The following KCNH7 variants were observed in gnomAD, a reference collection of about 807,000 sequenced individuals.
KCNH7 encodes the protein potassium voltage-gated channel subfamily H member 7, also known as voltage-gated inwardly rectifying potassium channel KCNH7.
A neutral mutation model predicts 120.8 loss-of-function variants in KCNH7; 49 were observed. The observed-to-expected ratio is 0.41, with a 90% CI of 0.32 to 0.51. The LOEUF is 0.51. Among genes scored for constraint, KCNH7 ranks in the 20% least tolerant of loss-of-function variants. The pLI is 0.38. For synonymous variants in KCNH7, 547 were observed against 516.1 expected, an observed-to-expected ratio of 1.06 and a Z score of -0.81; for missense variants, 1,097 against 1,446.6, an observed-to-expected ratio of 0.76 and a Z score of 3.92.
At chr2:162,637,086 T>C (rs1258107712) in intron 2 of KCNH7, among the ~76,000 whole-genome samples, 2 of 152,120 alleles carry the variant, frequency 1.3e-5, no homozygotes, top group Admixed American at 6.6e-5. Flanking sequence ...CAATCCCCCA[T>C]GACTTTGCCT....
intron 2 of KCNH7, among the ~76,000 whole-genome samples, chr2:162,611,708 T>G (rs1422206751): frequency 6.6e-6 from 1 of 152,146 alleles, no homozygotes; most frequent in Non-Finnish European, 1.5e-5. Context: ...ATGTTGTGAG[T>G]TAAACCTGCA....
intron 2 of KCNH7, among the ~76,000 whole-genome samples, chr2:162,687,811 A>T (rs1454183663): frequency 6.6e-6 from 1 of 152,194 alleles, no homozygotes; most frequent in African/African-American, 2.4e-5. Flanking sequence ...ATTTTGTCTA[A>T]CAAAAGTACA....
intron 2 of KCNH7, among the ~76,000 whole-genome samples, chr2:162,809,160 G>A (rs3912908): frequency 0.52 from 78,949 of 151,996 alleles, 21,679 homozygotes; most frequent in South Asian, 0.73. Flanking sequence ...AATATATACT[G>A]TGATATAGAA....
At chr2:162,557,553 A>C (rs1692901477) in intron 2 of KCNH7, among the ~76,000 whole-genome samples, 1 of 152,204 alleles carries the variant, frequency 6.6e-6, no homozygotes, top group South Asian at 2.1e-4. Context: ...TCTTTGGAAA[A>C]TGCAACTGGC....
chr2:162,475,075 T>C (rs1426652582), intron 6 of KCNH7, among the ~76,000 whole-genome samples: 1 of 152,240 alleles, frequency 6.6e-6, no homozygotes, highest in Non-Finnish European at 1.5e-5. Flanking sequence ...AGGCTTGTTG[T>C]CTTCAGACAC....
chr2:162,635,904 A>G (rs1211700674), intron 2 of KCNH7, among the ~76,000 whole-genome samples: 2 of 152,072 alleles, frequency 1.3e-5, no homozygotes, highest in Non-Finnish European at 2.9e-5. Context: ...TCTTGCTGCC[A>G]GAAAAAGCTA....
chr2:162,547,290 C>T (rs1692512732), intron 2 of KCNH7, among the ~76,000 whole-genome samples: 1 of 152,106 alleles, frequency 6.6e-6, no homozygotes, highest in African/African-American at 2.4e-5. Flanking sequence ...CTAACCATAT[C>T]AGAATCATAG....
intron 2 of KCNH7, among the ~76,000 whole-genome samples, chr2:162,623,603 C>T (rs1308465172): frequency 6.6e-6 from 1 of 152,154 alleles, no homozygotes; most frequent in Non-Finnish European, 1.5e-5. Flanking sequence ...GATTCTAGGG[C>T]TATGCTGCTT....
chr2:162,550,617 C>A (rs1403728084), intron 2 of KCNH7, among the ~76,000 whole-genome samples: 3 of 152,080 alleles, frequency 2.0e-5, no homozygotes, highest in Non-Finnish European at 4.4e-5. Context: ...TGGGCCACTG[C>A]ACCATTCATT....
intron 2 of KCNH7, among the ~76,000 whole-genome samples, chr2:162,562,066 C>T (rs189168628): frequency 6.6e-6 from 1 of 151,820 alleles, no homozygotes; most frequent in Admixed American, 6.6e-5. Flanking sequence ...GTTGGGTGGT[C>T]GGGGGCTAGG....
At chr2:162,671,138 G>T (rs1425187854) in intron 2 of KCNH7, among the ~76,000 whole-genome samples, 1 of 152,076 alleles carries the variant, frequency 6.6e-6, no homozygotes, top group African/African-American at 2.4e-5. Context: ...ATGTAAATTA[G>T]TTCATCTATG....
intron 5 of KCNH7, among the ~76,000 whole-genome samples, 158 bp from the exon 6 acceptor site, chr2:162,504,815 C>T (rs758633363): frequency 5.1e-4 from 77 of 151,916 alleles, no homozygotes; most frequent in Non-Finnish European, 1.0e-3. Context: ...TTAGGGTCAC[C>T]TTGGGCCACA....
chr2:162,395,705 CT>C (rs1686892694), intron 11 of KCNH7, among the ~76,000 whole-genome samples: 1 of 151,556 alleles, frequency 6.6e-6, no homozygotes, highest in Non-Finnish European at 1.5e-5. Context: ...TTAAAAAAAA[CT>C]TTTCAGAGTT....
chr2:162,529,935 A>C (rs1691857837), intron 3 of KCNH7, among the ~76,000 whole-genome samples: 1 of 151,940 alleles, frequency 6.6e-6, no homozygotes, highest in African/African-American at 2.4e-5. Flanking sequence ...AGTACTTATC[A>C]AAATTTGATA....
At chr2:162,599,887 C>G (rs779983917) in intron 2 of KCNH7, among the ~76,000 whole-genome samples, 4 of 152,064 alleles carry the variant, frequency 2.6e-5, no homozygotes, top group Non-Finnish European at 5.9e-5. Context: ...TTACAATTCA[C>G]TAGGTAACAA....
chr2:162,585,802 T>C (rs1694003627), intron 2 of KCNH7, among the ~76,000 whole-genome samples: 1 of 151,942 alleles, frequency 6.6e-6, no homozygotes, highest in African/African-American at 2.4e-5. Context: ...CAAATAAGAA[T>C]AGTGTTGGAG....
At chr2:162,544,180 C>T (rs957233259) in intron 2 of KCNH7, among the ~76,000 whole-genome samples, 3 of 152,068 alleles carry the variant, frequency 2.0e-5, no homozygotes, top group African/African-American at 7.2e-5. Flanking sequence ...TGGATTGTCC[C>T]ACTGCCTTTA....
At chr2:162,697,747 AAAT>A (rs952755991) in intron 2 of KCNH7, among the ~76,000 whole-genome samples, 1 of 151,884 alleles carries the variant, frequency 6.6e-6, no homozygotes, top group African/African-American at 2.4e-5. Context: ...TAATATTCCA[AAAT>A]AATAATAATA....
intron 2 of KCNH7, among the ~76,000 whole-genome samples, chr2:162,566,710 T>C (rs1192725637): frequency 1.3e-5 from 2 of 152,072 alleles, no homozygotes; most frequent in African/African-American, 4.8e-5. Context: ...ATTGCCATTG[T>C]AGGGCTTCCA....
Sources: allele counts gnomAD v4.1 joint callset (sites outside exome capture counted in the v4.1 genomes callset), GRCh38; gene constraint gnomAD v4.1.1; transcripts MANE v1.5; gene names NCBI Gene and HGNC (gene_info 2026-07-23, HGNC 2026-07-21).